DNM3: variants seen among roughly 807,000 people sequenced by gnomAD.
The protein encoded by DNM3 is dynamin 3.
Under a neutral mutation model 101.6 loss-of-function variants are expected in DNM3, and 47 were observed. The ratio of observed to expected loss-of-function variants is 0.46; its 90% confidence interval spans 0.37 to 0.59. The LOEUF (loss-of-function observed/expected upper bound fraction) is 0.59, where lower values mean the gene tolerates loss of function less well. DNM3 is among the 20% of genes least tolerant of loss of function. DNM3 has a pLI of 0.00. For missense variants in DNM3, 849 were observed against 1,085.7 expected, an observed-to-expected ratio of 0.78 and a Z score of 3.06; for synonymous variants, 385 against 387.9, an observed-to-expected ratio of 0.99 and a Z score of 0.09.
chr1:172,135,013 G>A (rs968023187), intron 14 of DNM3, among the ~76,000 whole-genome samples: 2 of 152,148 alleles, frequency 1.3e-5, no homozygotes, highest in African/African-American at 2.4e-5. Flanking sequence ...GCCTTGTGGA[G>A]AATGGATTGG....
chr1:172,408,569 G>C lies in DNM3; in HGVS notation c.*728G>C, dbSNP rs1346859406. The C allele has an allele frequency of 2.0e-6, 2 of 985,110 alleles. No homozygotes were observed. Among genetic ancestry groups the C allele is most frequent in the African/African-American group, 3.5e-5 (2 of 57,190 alleles). 61.0% of individuals were successfully genotyped at this position (985,110 alleles called of 1,614,324 possible). On this transcript the variant is annotated 3_prime_UTR_variant, in exon 21 of 21. Coordinates refer to ENST00000627582, the MANE Select transcript of DNM3 (RefSeq NM_015569.5). Reference sequence around the variant, plus strand: ...TTGGCTAATTAGTTTCAGAGTTCAAGGAAGAAGCAAAATATCACATCTCTA... The same window carrying C: ...TTGGCTAATTAGTTTCAGAGTTCAACGAAGAAGCAAAATATCACATCTCTA...
intron 15 of DNM3, among the ~76,000 whole-genome samples, chr1:172,308,357 T>C (rs921425373): frequency 5.3e-5 from 8 of 152,212 alleles, no homozygotes; most frequent in Non-Finnish European, 1.2e-4. Context: ...TATTTAGTCA[T>C]TTAGACTCAT....
intron 1 of DNM3, among the ~76,000 whole-genome samples, chr1:171,917,731 G>GA (rs1368137898): frequency 2.0e-5 from 3 of 151,934 alleles, no homozygotes; most frequent in Admixed American, 2.0e-4. Flanking sequence ...CATTTTGCAG[G>GA]AAAAATGGCA....
Position 171,847,879 on chromosome 1 carries a change from ACTCTCTCTCTCT to A in DNM3, c.161+6069_161+6080del, listed in dbSNP as rs141950487. On this transcript the variant is annotated intron_variant, in intron 1 of 20. Transcript: ENST00000627582. ...AGGGTTCATTAATACCATATTAATT[ACTCTCTCTCTCT>A]CTCTCTGTGTGTGTGTGTGTGTGTG... Among the ~76,000 whole-genome samples, 118 of 140,474 alleles carry A rather than the reference ACTCTCTCTCTCT, an allele frequency of 8.4e-4. 2 individuals carry two copies. Among genetic ancestry groups the A allele is most frequent in the African/African-American group, 2.7e-3 (101 of 37,828 alleles). The allele number at this position is 140,474 out of a possible 152,430, so 92.2% of individuals were successfully genotyped here.
chr1:171,940,969 C>T (rs2041771581), intron 2 of DNM3, among the ~76,000 whole-genome samples: 1 of 151,930 alleles, frequency 6.6e-6, no homozygotes, highest in South Asian at 2.1e-4. Context: ...TAAAAATGGT[C>T]TCAATTGTTT....
At chr1:171,906,126 C>CT (rs2038808000) in intron 1 of DNM3, among the ~76,000 whole-genome samples, 1 of 144,360 alleles carries the variant, frequency 6.9e-6, no homozygotes, top group African/African-American at 2.6e-5. Context: ...AGTTCAATTG[C>CT]ATTTTTTTTT....
chr1:172,119,638 C>G (rs1454408128), intron 13 of DNM3, among the ~76,000 whole-genome samples: 4 of 152,082 alleles, frequency 2.6e-5, no homozygotes, highest in Non-Finnish European at 5.9e-5. Flanking sequence ...GTTTTATTTA[C>G]ACCTGCAAAC....
At position 172,411,312 on chromosome 1, in the gene DNM3, T is replaced by C. The variant is rs2071190008; in HGVS notation, c.*3471T>C. 5 of 985,226 alleles carry C rather than the reference T, an allele frequency of 5.1e-6. No individual in the cohort carries two copies. The highest frequency in any genetic ancestry group is 6.0e-6 in the Non-Finnish European group (5 of 829,768). 61.0% of individuals were successfully genotyped at this position (985,226 alleles called of 1,614,324 possible). Reference sequence around the variant, plus strand: ...TTTTGAGAGGTACAAAGCTCATAATTACCATGACAACATGGTAATGTCCAT... The same window carrying C: ...TTTTGAGAGGTACAAAGCTCATAATCACCATGACAACATGGTAATGTCCAT... On this transcript the variant is annotated 3_prime_UTR_variant, in exon 21 of 21. Coordinates refer to ENST00000627582, the MANE Select transcript of DNM3 (RefSeq NM_015569.5).
chr1:172,047,360 C>T (rs1226210560), intron 9 of DNM3, among the ~76,000 whole-genome samples: 1 of 152,148 alleles, frequency 6.6e-6, no homozygotes, highest in East Asian at 1.9e-4. Flanking sequence ...AAGGTCTCAG[C>T]AGCAAGACTG....
intron 20 of DNM3, among the ~76,000 whole-genome samples, chr1:172,403,506 C>A (rs2070660291): frequency 6.6e-6 from 1 of 152,098 alleles, no homozygotes. Flanking sequence ...TAAAATAAGG[C>A]AAGAAAACAA....
At position 172,024,130 on chromosome 1, in the gene DNM3, G is replaced by A. The variant is rs559519016; in HGVS notation, c.590-8272G>A. On this transcript the variant is annotated intron_variant, in intron 4 of 20. Coordinates refer to ENST00000627582, the MANE Select transcript of DNM3 (RefSeq NM_015569.5). ...AGGTTTCATATTACAATGTTTATTTGTTTTGGTCTCTGAGAATCTTTTTGG... is the reference window on the plus strand; with the variant it reads ...AGGTTTCATATTACAATGTTTATTTATTTTGGTCTCTGAGAATCTTTTTGG... Among the ~76,000 whole-genome samples, 48 of 151,156 alleles carry A rather than the reference G, an allele frequency of 3.2e-4. 1 individual carries two copies. The highest frequency in any genetic ancestry group is 7.9e-4 in the Admixed American group (12 of 15,214).
intron 14 of DNM3, among the ~76,000 whole-genome samples, chr1:172,203,390 C>T (rs1280478615): frequency 2.0e-5 from 3 of 152,088 alleles, no homozygotes; most frequent in East Asian, 3.9e-4. Flanking sequence ...CTGACAAACC[C>T]GGGTCGCAGA....
intron 2 of DNM3, among the ~76,000 whole-genome samples, chr1:171,929,151 G>C (rs1302604385): frequency 6.6e-6 from 1 of 151,970 alleles, no homozygotes; most frequent in Admixed American, 6.5e-5. Context: ...TTAGCCCCTG[G>C]TTGCCTCAGA....
rs558740971 is a variant in DNM3, at chr1:172,130,664, C to T, written c.1546-511C>T. On this transcript the variant is annotated intron_variant, in intron 13 of 20. Coordinates refer to ENST00000627582, the MANE Select transcript of DNM3 (RefSeq NM_015569.5). ...TATTTTATCTTTCTCCTTCAGTCAG[C>T]CTTATTTAGGACTAACAAGGGGCTA... 7.4e-4 allele frequency among the ~76,000 whole-genome samples: 112 copies of T among 152,166 alleles called. 1 individual carries two copies. Among genetic ancestry groups the T allele is most frequent in the African/African-American group, 2.6e-3 (107 of 41,524 alleles).
At chr1:172,108,315 T>C (rs1264956780) in intron 13 of DNM3, among the ~76,000 whole-genome samples, 1 of 152,024 alleles carries the variant, frequency 6.6e-6, no homozygotes, top group Non-Finnish European at 1.5e-5. Context: ...CCCTCAGACA[T>C]TTGCAATGAC....
chr1:172,106,844 A>ATTTTTTTTTTTTTTTTTT (rs1289662689), intron 13 of DNM3, among the ~76,000 whole-genome samples: 2 of 51,050 alleles, frequency 3.9e-5, no homozygotes, highest in Admixed American at 2.4e-4. Flanking sequence ...AGGTAACATT[A>ATTTTTTTTTTTTTTTTTT]TTCTTTTTTT....
intron 2 of DNM3, among the ~76,000 whole-genome samples, chr1:171,924,775 T>A (rs372782926): frequency 6.6e-6 from 1 of 152,224 alleles, no homozygotes; most frequent in Non-Finnish European, 1.5e-5. Context: ...TGAGATGATA[T>A]CTTATTGTAG....
intron 14 of DNM3, among the ~76,000 whole-genome samples, chr1:172,219,720 C>G (rs1211510548): frequency 6.6e-6 from 1 of 152,092 alleles, no homozygotes; most frequent in African/African-American, 2.4e-5. Context: ...TGATGGAGAG[C>G]ACTCTTCCAT....
intron 4 of DNM3, among the ~76,000 whole-genome samples, chr1:172,029,300 G>A (rs1028659474): frequency 1.3e-5 from 2 of 151,284 alleles, no homozygotes; most frequent in African/African-American, 2.4e-5. Context: ...CAGAACCAAC[G>A]ACAAAAACCA....
Sources: gnomAD v4.1 joint callset for allele counts (sites outside exome capture counted in the v4.1 genomes callset) on GRCh38, gnomAD v4.1.1 for gene constraint, MANE v1.5 for transcripts, NCBI Gene and HGNC (gene_info 2026-07-23, HGNC 2026-07-21) for gene names.